Variants in RIT2 observed in about 807,000 individuals in gnomAD.
RIT2 encodes GTP-binding protein Rit2.
A neutral mutation model predicts 23.7 loss-of-function variants in RIT2; 24 were observed. The observed-to-expected ratio is 1.01, with a 90% CI of 0.73 to 1.43. The LOEUF (loss-of-function observed/expected upper bound fraction) is 1.43. RIT2 is among the 40% of genes most tolerant of loss of function. The pLI is 0.00. For missense variants in RIT2, 236 were observed against 266.9 expected (o/e 0.88, Z 0.81); for synonymous variants, 107 against 91.1 (o/e 1.17, Z -0.99).
chr18:43,105,152 TTGTG>T (rs1419786130), intron 1 of RIT2, among the ~76,000 whole-genome samples: 12 of 132,612 alleles, frequency 9.0e-5, no homozygotes, highest in Admixed American at 8.5e-4. Flanking sequence ...GTGTGTGTGT[TTGTG>T]TGTGGTATGG....
At chr18:42,878,499 G>A (rs1175622468) in intron 4 of RIT2, among the ~76,000 whole-genome samples, 1 of 151,854 alleles carries the variant, frequency 6.6e-6, no homozygotes. Context: ...GGGTGAAAGA[G>A]ATAGAAGAAA....
At chr18:42,975,577 G>A (rs2144206309) in intron 2 of RIT2, among the ~76,000 whole-genome samples, 1 of 152,182 alleles carries the variant, frequency 6.6e-6, no homozygotes, top group Admixed American at 6.6e-5. Context: ...AGTGATAATG[G>A]CAAGGTTAAG....
intron 4 of RIT2, among the ~76,000 whole-genome samples, chr18:42,783,908 T>C (rs1188110535): frequency 6.6e-6 from 1 of 152,090 alleles, no homozygotes; most frequent in Non-Finnish European, 1.5e-5. Flanking sequence ...TTATTCCTTA[T>C]TGGGTAACAT....
rs564531646 is a variant in RIT2 at position 42,982,557 on chromosome 18, A to G, written c.161-8410T>C. The stretch of plus-strand genomic sequence containing the variant: ...TTCCTAAAACCATACTTAATGTCCA[A>G]ATAAAACAAGGTAATAGCTTCAGCT... On this transcript the variant is annotated intron_variant, in intron 2 of 4. Transcript: ENST00000326695. 2.6e-5 allele frequency among the ~76,000 whole-genome samples: 4 copies of G among 152,252 alleles called. No individual in the cohort carries two copies. In the East Asian group the frequency reaches 7.7e-4, roughly 29 times the overall value.
At chr18:42,804,541 G>C (rs1359712722) in intron 4 of RIT2, among the ~76,000 whole-genome samples, 3 of 122,726 alleles carry the variant, frequency 2.4e-5, no homozygotes, top group Non-Finnish European at 4.9e-5. Flanking sequence ...GGCGACAAGA[G>C]TGAAACTGTG....
chr18:43,099,507 CA>C lies in RIT2; in HGVS notation c.103+15909del, dbSNP rs1332734089. Among the ~76,000 whole-genome samples the C allele has an allele frequency of 2.2e-5, 3 of 137,502 alleles. No individual in the cohort carries two copies. The East Asian group carries it at 5.8e-4, about 27-fold the overall frequency. The allele number at this position is 137,502 out of a possible 152,430, so 90.2% of individuals were successfully genotyped here. On this transcript the variant is annotated intron_variant, in intron 1 of 4. Coordinates refer to ENST00000326695, the MANE Select transcript of RIT2 (RefSeq NM_002930.4). Reference sequence around the variant, plus strand: ...TTAATATAATAAAAAATAATAACTTCAGACATTTATCAAATACCTATATACA... The same window carrying C: ...TTAATATAATAAAAAATAATAACTTCGACATTTATCAAATACCTATATACA...
At chr18:42,806,969 T>C (rs964508443) in intron 4 of RIT2, among the ~76,000 whole-genome samples, 1 of 152,240 alleles carries the variant, frequency 6.6e-6, no homozygotes, top group Non-Finnish European at 1.5e-5. Context: ...CTTTTTATCA[T>C]GGTAACTTTA....
intron 4 of RIT2, among the ~76,000 whole-genome samples, chr18:42,844,930 T>C (rs1030063749): frequency 2.0e-5 from 3 of 152,164 alleles, no homozygotes; most frequent in African/African-American, 7.2e-5. Flanking sequence ...TTATTAATTG[T>C]ACAAGTGGAC....
chr18:42,877,858 CATAG>C (rs1239187369), intron 4 of RIT2, among the ~76,000 whole-genome samples: 6 of 151,668 alleles, frequency 4.0e-5, no homozygotes, highest in African/African-American at 1.4e-4. Flanking sequence ...GGATATGAAA[CATAG>C]ATAAATTTTG....
At chr18:43,105,094 A>T (rs1409261106) in intron 1 of RIT2, among the ~76,000 whole-genome samples, 1 of 134,122 alleles carries the variant, frequency 7.5e-6, no homozygotes, top group Admixed American at 7.7e-5. Context: ...TCTAACAGGC[A>T]GTGTGCTGTG....
At chr18:42,972,833 T>C (rs1169724928) in intron 3 of RIT2, among the ~76,000 whole-genome samples, 2 of 151,956 alleles carry the variant, frequency 1.3e-5, no homozygotes, top group African/African-American at 4.8e-5. Context: ...ACTTTTGTAT[T>C]GACTGAAGTA....
intron 4 of RIT2, among the ~76,000 whole-genome samples, chr18:42,798,270 C>G (rs1480900397): frequency 6.6e-6 from 1 of 152,142 alleles, no homozygotes; most frequent in African/African-American, 2.4e-5. Flanking sequence ...AGTTTTCATT[C>G]AGATCCATTT....
chr18:42,911,826 C>A (rs1359735164), intron 4 of RIT2, among the ~76,000 whole-genome samples: 1 of 151,742 alleles, frequency 6.6e-6, no homozygotes, highest in Non-Finnish European at 1.5e-5. Flanking sequence ...AATTTCCAGG[C>A]CCAGATGGTT....
chr18:43,083,028 A>G (rs1913194618), intron 1 of RIT2, among the ~76,000 whole-genome samples: 1 of 152,210 alleles, frequency 6.6e-6, no homozygotes, highest in Non-Finnish European at 1.5e-5. Context: ...CAACTTCAGC[A>G]AAGTCTCAGG....
chr18:42,809,857 ATT>A (rs1408175955), intron 4 of RIT2, among the ~76,000 whole-genome samples: 5 of 114,504 alleles, frequency 4.4e-5, no homozygotes, highest in Non-Finnish European at 7.0e-5. Context: ...TGTTATATAT[ATT>A]ATATATAATA....
intron 4 of RIT2, among the ~76,000 whole-genome samples, chr18:42,799,050 C>T (rs1043339558): frequency 4.6e-5 from 7 of 152,112 alleles, no homozygotes; most frequent in Non-Finnish European, 8.8e-5. Flanking sequence ...ACTACTGTCA[C>T]GCTGTCAACA....
At chr18:42,904,502 G>A (rs975758204) in intron 4 of RIT2, among the ~76,000 whole-genome samples, 1 of 152,140 alleles carries the variant, frequency 6.6e-6, no homozygotes, top group Non-Finnish European at 1.5e-5. Flanking sequence ...GAGGCCTGAG[G>A]TCTGGGAGGT....
intron 4 of RIT2, among the ~76,000 whole-genome samples, chr18:42,764,978 G>A (rs1913387137): frequency 6.6e-6 from 1 of 152,158 alleles, no homozygotes; most frequent in African/African-American, 2.4e-5. Context: ...GCTTATTGAA[G>A]CCTTCATGTT....
At chr18:42,982,306 T>G (rs968967468) in intron 2 of RIT2, among the ~76,000 whole-genome samples, 2 of 152,068 alleles carry the variant, frequency 1.3e-5, no homozygotes, top group Non-Finnish European at 2.9e-5. Context: ...CCTTCCGCAT[T>G]TGTTCTCTGC....
Sources: allele counts gnomAD v4.1 joint callset (sites outside exome capture counted in the v4.1 genomes callset), GRCh38; gene constraint gnomAD v4.1.1; transcripts MANE v1.5; gene names NCBI Gene and HGNC (gene_info 2026-07-23, HGNC 2026-07-21).